The following DCBLD2 variants were observed in gnomAD, a reference collection of about 807,000 sequenced individuals.
The protein encoded by DCBLD2 is discoidin, CUB and LCCL domain containing 2, also known as discoidin, CUB and LCCL domain-containing protein 2.
In DCBLD2, 54 loss-of-function variants were observed where a neutral mutation model predicts 86.8. The observed-to-expected ratio is 0.62, with a 90% CI of 0.50 to 0.78. The LOEUF is 0.78. Ranked by LOEUF, DCBLD2 falls within the 30% of genes least tolerant of loss-of-function variation. DCBLD2 has a pLI of 0.00. For synonymous variants in DCBLD2, 354 were observed against 341.3 expected, an observed-to-expected ratio of 1.04 and a Z score of -0.41; for missense variants, 908 against 954.2, an observed-to-expected ratio of 0.95 and a Z score of 0.64.
At chr3:98,858,650 G>T (rs1385610152) in intron 2 of DCBLD2, among the ~76,000 whole-genome samples, 3 of 152,164 alleles carry the variant, frequency 2.0e-5, no homozygotes, top group Non-Finnish European at 4.4e-5. Context: ...CATGTATCTG[G>T]TAAGGGGTTA....
chr3:98,869,107 C>A (rs577161176), intron 2 of DCBLD2, among the ~76,000 whole-genome samples: 1 of 152,136 alleles, frequency 6.6e-6, no homozygotes. Flanking sequence ...TCCCTGTCTG[C>A]GCCAACATCT....
At chr3:98,872,612 T>C (rs1046404834) in intron 2 of DCBLD2, among the ~76,000 whole-genome samples, 2 of 152,162 alleles carry the variant, frequency 1.3e-5, no homozygotes, top group Non-Finnish European at 2.9e-5. Context: ...GTTCATTGAA[T>C]GTTTTATAGG....
chr3:98,825,350 C>G lies in DCBLD2; in HGVS notation c.588G>C (p.Leu196Phe). 12 of 1,553,892 alleles carry G rather than the reference C, an allele frequency of 7.7e-6. No homozygotes were observed. The highest frequency in any genetic ancestry group is 1.0e-5 in the Non-Finnish European group (12 of 1,156,276). The change falls in exon 4 of 16, where the codon TTG becomes TTC. Residue 196 changes from leucine to phenylalanine, a missense_variant. Around this residue, in one of 3 missense-constraint regions of DCBLD2, gnomAD observed 294 missense variants for 256.0 expected, o/e 1.15. Coordinates refer to ENST00000326840, the MANE Select transcript of DCBLD2 (RefSeq NM_080927.4). ...VIDKQDLITC[L>F]DTASNFLEPE... ...GTTCCAAAAAATTGGATGCAGTGTC[C>G]AAACAAGTAATTAGATCTAGAAAAA... is the stretch of plus-strand genomic sequence containing the variant.
chr3:98,885,555 T>C (rs1215229415), intron 1 of DCBLD2, among the ~76,000 whole-genome samples: 2 of 151,972 alleles, frequency 1.3e-5, no homozygotes, highest in African/African-American at 4.8e-5. Context: ...CTGTGCTAGG[T>C]ATGCAAAGGT....
chr3:98,880,976 G>C (rs949335600), intron 2 of DCBLD2, among the ~76,000 whole-genome samples: 5 of 152,146 alleles, frequency 3.3e-5, no homozygotes, highest in Admixed American at 1.3e-4. Context: ...GGGTGCAGTG[G>C]TTTACGCCTG....
intron 2 of DCBLD2, among the ~76,000 whole-genome samples, chr3:98,855,526 A>C (rs889845127): frequency 5.0e-4 from 76 of 152,234 alleles, no homozygotes; most frequent in Non-Finnish European, 2.8e-4. Context: ...CACTCACACA[A>C]ACATAACATT....
chr3:98,859,781 G>C (rs1402107504), intron 2 of DCBLD2, among the ~76,000 whole-genome samples: 5 of 152,182 alleles, frequency 3.3e-5, no homozygotes, highest in Non-Finnish European at 5.9e-5. Context: ...GGAAAAAACA[G>C]AGCAGAAAAT....
rs577624940 is a variant in DCBLD2, at chr3:98,883,820, G to C, written c.206-2053C>G. 1.7e-4 allele frequency among the ~76,000 whole-genome samples: 26 copies of C among 152,178 alleles called. No individual in the cohort carries two copies. In the South Asian group the frequency reaches 5.4e-3, roughly 32 times the overall value. ...CACTGCTGAGTTCTAAACTCAATAT[G>C]GACACAGAGGGCTGTAATAGAACTT... On this transcript the variant is annotated intron_variant, in intron 1 of 15. Coordinates refer to ENST00000326840, the MANE Select transcript of DCBLD2 (RefSeq NM_080927.4).
At position 98,881,839 on chromosome 3, in the gene DCBLD2, A is replaced by G. The variant is rs1262825603; in HGVS notation, c.206-72T>C. ...CTTCCTCTATAATGATTTTTTTGTG[A>G]AGATTTAAAAATATGCACGACATCA... On this transcript the variant is annotated intron_variant, in intron 1 of 15. Coordinates refer to ENST00000326840, the MANE Select transcript of DCBLD2 (RefSeq NM_080927.4). The G allele has an allele frequency of 8.3e-6, 12 of 1,451,346 alleles. No individual in the cohort carries two copies. In the African/African-American group the frequency reaches 1.6e-4, roughly 19 times the overall value. The allele number at this position is 1,451,346 out of a possible 1,614,324, so 89.9% of individuals were successfully genotyped here.
intron 1 of DCBLD2, among the ~76,000 whole-genome samples, chr3:98,884,402 C>T (rs1456718709): frequency 6.8e-6 from 1 of 147,586 alleles, no homozygotes; most frequent in South Asian, 2.2e-4. Context: ...TTACACAGTC[C>T]ATAAAAAAAA....
In DCBLD2 at chr3:98,799,359, A is replaced by G. The variant is rs750540457; in HGVS notation, c.*13T>C. On this transcript the variant is annotated 3_prime_UTR_variant, in exon 16 of 16. Coordinates refer to ENST00000326840, the MANE Select transcript of DCBLD2 (RefSeq NM_080927.4). The stretch of plus-strand genomic sequence containing the variant: ...TGCTTTAAAACGATGCTTTGTAAAA[A>G]GCAGCATCATCTTCAAAGGATTTCT... 3.8e-6 allele frequency: 6 copies of G among 1,587,504 alleles called. No homozygotes were observed. Among genetic ancestry groups the G allele is most frequent in the Non-Finnish European group, 1.7e-6 (2 of 1,167,204 alleles).
chr3:98,838,896 C>T (rs1450422487), intron 3 of DCBLD2, among the ~76,000 whole-genome samples: 4 of 151,768 alleles, frequency 2.6e-5, no homozygotes, highest in African/African-American at 7.3e-5. Context: ...ACCAGTCAGG[C>T]GTGGCGGCGC....
Position 98,901,366 on chromosome 3 carries a change from C to T in DCBLD2, c.-40G>A, listed in dbSNP as rs1259947928. ...GTCTGCCTGCATAGTGCGGGTGCCT[C>T]GGCAGCCCCGCGCGCCTCTGGCCGC... On this transcript the variant is annotated 5_prime_UTR_variant, in exon 1 of 16. Transcript: ENST00000326840. The T allele has an allele frequency of 7.8e-7, 1 of 1,285,544 alleles. No homozygotes were observed. Among genetic ancestry groups the T allele is most frequent in the Non-Finnish European group, 9.8e-7 (1 of 1,023,326 alleles). The allele number at this position is 1,285,544 out of a possible 1,614,324, so 79.6% of individuals were successfully genotyped here.
chr3:98,899,249 T>A (rs1943804225), intron 1 of DCBLD2, among the ~76,000 whole-genome samples: 1 of 139,182 alleles, frequency 7.2e-6, no homozygotes, highest in South Asian at 2.3e-4. Context: ...TTAGACTGGC[T>A]ATTTCTTTTT....
chr3:98,812,601 A>G, intron 9 of DCBLD2, 119 bp from the exon 10 acceptor site: 1 of 802,286 alleles, frequency 1.2e-6, no homozygotes, highest in South Asian at 2.4e-5. Context: ...GGAAAGTATG[A>G]TAATAAGGAT....
At chr3:98,804,755 A>G (rs908165045) in intron 13 of DCBLD2, among the ~76,000 whole-genome samples, 4 of 152,086 alleles carry the variant, frequency 2.6e-5, no homozygotes, top group African/African-American at 9.7e-5. Context: ...CTTTGCTCTC[A>G]TTGGTTTCAA....
At chr3:98,887,986 C>G (rs1294167948) in intron 1 of DCBLD2, among the ~76,000 whole-genome samples, 1 of 151,990 alleles carries the variant, frequency 6.6e-6, no homozygotes, top group Non-Finnish European at 1.5e-5. Flanking sequence ...ACCTGCTCAT[C>G]TCTACCTCCC....
chr3:98,901,297 C>A lies in DCBLD2; in HGVS notation c.30G>T (p.Arg10Ser), dbSNP rs1943847571. 1 of 1,500,458 alleles carries A rather than the reference C, an allele frequency of 6.7e-7. No homozygotes were observed. Among genetic ancestry groups the A allele is most frequent in the African/African-American group, 1.4e-5 (1 of 70,306 alleles). The allele number at this position is 1,500,458 out of a possible 1,614,324, so 92.9% of individuals were successfully genotyped here. The part of the protein sequence containing the change: MASRAVVRA[R>S]RCPQCPQVRA... ...GGACTTGGGGACACTGCGGGCAGCG[C>A]CTGGCTCTCACCACCGCCCGGCTCG... is the stretch of plus-strand genomic sequence containing the variant. The change falls in exon 1 of 16, where the codon AGG becomes AGT. Residue 10 changes from arginine to serine, a missense_variant. By Grantham distance (110) the Arg-to-Ser change is moderately radical. Transcript: ENST00000326840.
In DCBLD2 at chr3:98,835,938, C is replaced by CTTTT. The variant is rs66958811; in HGVS notation, c.572-10576_572-10573dup. ...TCTTTCTTTCTTCCTTCCTTTCTTT[C>CTTTT]TTTTTTTTTTTTTTTAAGATTTTTA... On this transcript the variant is annotated intron_variant, in intron 3 of 15. Coordinates refer to ENST00000326840, the MANE Select transcript of DCBLD2 (RefSeq NM_080927.4). Among the ~76,000 whole-genome samples, 350 of 115,062 alleles carry CTTTT rather than the reference C, an allele frequency of 3.0e-3. 2 individuals are homozygous for CTTTT. The highest frequency in any genetic ancestry group is 5.1e-3 in the Middle Eastern group (1 of 198). The allele number at this position is 115,062 out of a possible 152,430, so 75.5% of individuals were successfully genotyped here.
Sources: gnomAD v4.1 joint callset for allele counts (sites outside exome capture counted in the v4.1 genomes callset) on GRCh38, gnomAD v4.1.1 for gene constraint, gnomAD v4.1.1 regional missense constraint, MANE v1.5 for transcripts, NCBI Gene and HGNC (gene_info 2026-07-23, HGNC 2026-07-21) for gene names.